CADM2: variants seen among roughly 807,000 people sequenced by gnomAD.
The protein encoded by CADM2 is cell adhesion molecule 2.
Under a neutral mutation model 49.8 loss-of-function variants are expected in CADM2, and 12 were observed. That is an observed-to-expected ratio of 0.24 (90% confidence interval 0.15 to 0.39). The LOEUF (loss-of-function observed/expected upper bound fraction) is 0.39. CADM2 is among the 10% of genes least tolerant of loss of function. The pLI is 1.00. For synonymous variants in CADM2, 214 were observed against 175.4 expected (o/e 1.22, Z -1.74); for missense variants, 378 against 492.3 (o/e 0.77, Z 2.20).
intron 1 of CADM2, among the ~76,000 whole-genome samples, chr3:85,488,888 C>T (rs1323915632): frequency 3.3e-5 from 5 of 152,212 alleles, no homozygotes; most frequent in Non-Finnish European, 5.9e-5. Flanking sequence ...ATGCTTGTAG[C>T]TCATACATGT....
At chr3:85,954,201 CG>C (rs558148988) in intron 7 of CADM2, among the ~76,000 whole-genome samples, 32 of 150,864 alleles carry the variant, frequency 2.1e-4, no homozygotes, top group Admixed American at 1.9e-3. Flanking sequence ...GGAGAAAACA[CG>C]GGTTGAGGTA....
intron 1 of CADM2, among the ~76,000 whole-genome samples, chr3:85,660,707 T>TA (rs2065374855): frequency 6.6e-6 from 1 of 152,002 alleles, no homozygotes; most frequent in South Asian, 2.1e-4. Flanking sequence ...AATAGGTTTT[T>TA]AGAAATCGTT....
chr3:85,280,803 G>C (rs1357519970), intron 1 of CADM2, among the ~76,000 whole-genome samples: 1 of 151,762 alleles, frequency 6.6e-6, no homozygotes, highest in African/African-American at 2.4e-5. Context: ...GTAATTTTTA[G>C]TATAAAATCA....
intron 1 of CADM2, among the ~76,000 whole-genome samples, chr3:85,477,455 T>G (rs972566940): frequency 2.0e-5 from 3 of 151,890 alleles, no homozygotes; most frequent in Non-Finnish European, 4.4e-5. Context: ...CAAAGGTACT[T>G]CAGAATATAT....
chr3:85,511,719 A>C (rs764108728), intron 1 of CADM2: 5 of 184,442 alleles, frequency 2.7e-5, no homozygotes, highest in Admixed American at 1.3e-4. Flanking sequence ...CATCATAAAG[A>C]TCTCCGGGGT....
chr3:85,023,749 C>T (rs935424821), intron 1 of CADM2, among the ~76,000 whole-genome samples: 1 of 151,858 alleles, frequency 6.6e-6, no homozygotes, highest in Non-Finnish European at 1.5e-5. Flanking sequence ...ATATTCCATG[C>T]CTTTTTAGTT....
intron 1 of CADM2, among the ~76,000 whole-genome samples, chr3:85,602,488 CA>C (rs2107404113): frequency 6.6e-6 from 1 of 151,790 alleles, no homozygotes; most frequent in South Asian, 2.1e-4. Context: ...ATAACAAATC[CA>C]ACAACTTGCG....
intron 1 of CADM2, among the ~76,000 whole-genome samples, chr3:85,387,579 C>A (rs1161744294): frequency 6.6e-6 from 1 of 152,110 alleles, no homozygotes; most frequent in Non-Finnish European, 1.5e-5. Context: ...TAACTTTCTG[C>A]AGGCAGTTCT....
At chr3:85,336,220 T>G (rs1393047235) in intron 1 of CADM2, among the ~76,000 whole-genome samples, 2 of 151,522 alleles carry the variant, frequency 1.3e-5, no homozygotes, top group South Asian at 2.1e-4. Flanking sequence ...AACCCCATGT[T>G]TTTTAGAAAT....
In CADM2 at chr3:84,999,123, A is replaced by G. The variant is rs1295303939; in HGVS notation, c.61+39455A>G. 2.0e-5 allele frequency among the ~76,000 whole-genome samples: 3 copies of G among 152,106 alleles called. No homozygotes were observed. In the East Asian group the frequency reaches 5.8e-4, roughly 29 times the overall value. ...TAAACTACAGCCTTTCTTCTTCCCAATTGCAACACTTTTGGAGAGGTTTAT... is the reference window on the plus strand; with the variant it reads ...TAAACTACAGCCTTTCTTCTTCCCAGTTGCAACACTTTTGGAGAGGTTTAT... On this transcript the variant is annotated intron_variant, in intron 1 of 9. Transcript: ENST00000383699.
intron 1 of CADM2, among the ~76,000 whole-genome samples, chr3:85,331,842 G>A (rs1559783819): frequency 1.3e-5 from 2 of 151,826 alleles, no homozygotes; most frequent in African/African-American, 4.8e-5. Context: ...TCTTCTTTCT[G>A]GAAATACTGT....
intron 3 of CADM2, among the ~76,000 whole-genome samples, chr3:85,844,529 A>C (rs1559696514): frequency 6.6e-6 from 1 of 152,160 alleles, no homozygotes. Context: ...AACAAATGCA[A>C]CTTTCTGTTC....
intron 1 of CADM2, among the ~76,000 whole-genome samples, chr3:85,678,256 G>A (rs769886301): frequency 1.3e-5 from 2 of 152,156 alleles, no homozygotes; most frequent in Non-Finnish European, 2.9e-5. Context: ...TAGACAATGA[G>A]CTGTGTCAAC....
intron 1 of CADM2, among the ~76,000 whole-genome samples, chr3:85,302,065 T>C (rs1559768473): frequency 6.6e-6 from 1 of 152,064 alleles, no homozygotes. Context: ...TGTATTCTAA[T>C]ATGTGTCATT....
intron 5 of CADM2, among the ~76,000 whole-genome samples, chr3:85,895,387 C>T (rs546043981): frequency 1.4e-4 from 21 of 152,316 alleles, no homozygotes; most frequent in Admixed American, 1.4e-3. Context: ...CAATTTCTCC[C>T]ATTTGGAACA....
intron 1 of CADM2, among the ~76,000 whole-genome samples, chr3:85,583,144 T>A (rs2062843566): frequency 1.3e-5 from 2 of 152,262 alleles, no homozygotes; most frequent in East Asian, 1.9e-4. Context: ...TGGCAGTCTT[T>A]GAGTCCTACA....
chr3:85,119,882 C>T (rs187582719), intron 1 of CADM2, among the ~76,000 whole-genome samples: 17 of 152,174 alleles, frequency 1.1e-4, no homozygotes, highest in South Asian at 6.2e-4. Context: ...AAGAAACTAG[C>T]GTCAGAGTGA....
intron 1 of CADM2, among the ~76,000 whole-genome samples, chr3:85,081,383 A>G (rs1575824473): frequency 6.6e-6 from 1 of 152,148 alleles, no homozygotes; most frequent in Non-Finnish European, 1.5e-5. Context: ...CTTGGTAGAG[A>G]CATAATATGA....
chr3:86,066,297 C>A (rs949934838), intron 9 of CADM2, among the ~76,000 whole-genome samples: 5 of 124,132 alleles, frequency 4.0e-5, no homozygotes, highest in African/African-American at 1.7e-4. Flanking sequence ...CGTGCCACTG[C>A]ACTCCAGCCT....
Sources: allele counts gnomAD v4.1 joint callset (sites outside exome capture counted in the v4.1 genomes callset), GRCh38; gene constraint gnomAD v4.1.1; transcripts MANE v1.5; gene names NCBI Gene and HGNC (gene_info 2026-07-23, HGNC 2026-07-21).